NMBR: variants seen among roughly 807,000 people sequenced by gnomAD.
NMBR encodes neuromedin-B receptor.
In NMBR, 16 loss-of-function variants were observed where a neutral mutation model predicts 20.5. The ratio of observed to expected loss-of-function variants is 0.78; its 90% CI spans 0.53 to 1.19. NMBR has a LOEUF of 1.19. Ranked by LOEUF, NMBR falls within the 50% of genes most tolerant of loss-of-function variation. The pLI is 0.00. For synonymous variants in NMBR, 212 were observed against 196.6 expected (o/e 1.08, Z -0.65); for missense variants, 582 against 499.1 (o/e 1.17, Z -1.58).
At chr6:142,087,144 G>A (rs1239934548) in intron 2 of NMBR, among the ~76,000 whole-genome samples, 1 of 152,174 alleles carries the variant, frequency 6.6e-6, no homozygotes, top group Non-Finnish European at 1.5e-5. Context: ...TCTGTTGAAT[G>A]CTGTGTTTCC....
chr6:142,117,300 C>G (rs1777872480), intron 1 of NMBR, among the ~76,000 whole-genome samples: 1 of 151,902 alleles, frequency 6.6e-6, no homozygotes, highest in South Asian at 2.1e-4. Flanking sequence ...TTAACATAAT[C>G]ACCTCACATA....
intron 2 of NMBR, among the ~76,000 whole-genome samples, chr6:142,080,193 T>A (rs952096900): frequency 6.6e-6 from 1 of 152,062 alleles, no homozygotes; most frequent in Non-Finnish European, 1.5e-5. Context: ...ATTTTTTTTC[T>A]GAATTTTAAA....
At chr6:142,097,451 A>G (rs1480453655) in intron 1 of NMBR, among the ~76,000 whole-genome samples, 2 of 152,108 alleles carry the variant, frequency 1.3e-5, no homozygotes, top group Non-Finnish European at 2.9e-5. Flanking sequence ...AATGCATTTA[A>G]TACTCTAACA....
At chr6:142,131,858 A>T (rs1252114948) in intron 1 of NMBR, among the ~76,000 whole-genome samples, 2 of 152,230 alleles carry the variant, frequency 1.3e-5, no homozygotes, top group African/African-American at 4.8e-5. Context: ...AATTGTATAC[A>T]GTTGACTAAA....
In NMBR at chr6:142,078,572, C is replaced by T. The variant is rs145581958; in HGVS notation, c.754G>A (p.Glu252Lys). The change falls in exon 3 of 4, where the codon GAA becomes AAA. Residue 252 changes from glutamate to lysine, a missense_variant. Coordinates refer to ENST00000258042, the MANE Select transcript of NMBR (RefSeq NM_002511.4). The part of the protein sequence containing the change: ...SAHNLPGEYN[E>K]HTKKQMETRK... ...AAGCTTACCTGTTTTTTGGTATGTT[C>T]ATTGTATTCTCCAGGAAGATTGTGT... The T allele has an allele frequency of 1.3e-6, 2 of 1,594,450 alleles. No homozygotes were observed. Among genetic ancestry groups the T allele is most frequent in the Admixed American group, 1.7e-5 (1 of 58,656 alleles).
At chr6:142,095,419 T>C (rs1777429361) in intron 1 of NMBR, among the ~76,000 whole-genome samples, 1 of 152,174 alleles carries the variant, frequency 6.6e-6, no homozygotes, top group Non-Finnish European at 1.5e-5. Context: ...ATCATGTGGT[T>C]TTTGTCATTG....
At chr6:142,098,435 A>G (rs1281856022) in intron 1 of NMBR, among the ~76,000 whole-genome samples, 1 of 152,208 alleles carries the variant, frequency 6.6e-6, no homozygotes, top group Non-Finnish European at 1.5e-5. Context: ...AAAATCTGAA[A>G]GAATCAACAA....
At chr6:142,106,594 T>C (rs1777666519) in intron 1 of NMBR, among the ~76,000 whole-genome samples, 1 of 152,242 alleles carries the variant, frequency 6.6e-6, no homozygotes, top group Non-Finnish European at 1.5e-5. Flanking sequence ...TTGCTGGCTT[T>C]TAAATAGCTT....
In NMBR at chr6:142,096,067, C is replaced by T. The variant is rs1266098565; in HGVS notation, c.-663-6746G>A. Reference sequence around the variant, plus strand: ...TTTTCTTCTTTATTAGTCTTGCTAGCAGTCTATCAATTTTGTTGATCTTTT... The same window carrying T: ...TTTTCTTCTTTATTAGTCTTGCTAGTAGTCTATCAATTTTGTTGATCTTTT... On this transcript the variant is annotated intron_variant, in intron 1 of 3. Transcript: ENST00000258042. Among the ~76,000 whole-genome samples the T allele has an allele frequency of 9.9e-5, 15 of 152,000 alleles. 1 individual carries two copies. Among genetic ancestry groups the T allele is most frequent in the Admixed American group, 9.8e-4 (15 of 15,248 alleles).
intron 1 of NMBR, among the ~76,000 whole-genome samples, chr6:142,133,469 T>C (rs1405650906): frequency 6.6e-6 from 1 of 152,182 alleles, no homozygotes; most frequent in Non-Finnish European, 1.5e-5. Context: ...ATAAACATTA[T>C]TTGGTTGTTA....
chr6:142,094,247 T>A lies in NMBR; in HGVS notation c.-663-4926A>T, dbSNP rs528265157. Among the ~76,000 whole-genome samples, 212 of 152,180 alleles carry A rather than the reference T, an allele frequency of 1.4e-3. 1 individual carries two copies. The highest frequency in any genetic ancestry group is 4.6e-3 in the African/African-American group (193 of 41,518). ...GCCCATGCCTATGTCCTGAATGGTA[T>A]TGCCTAGGTTTTCTTCTAGGGTTTT... On this transcript the variant is annotated intron_variant, in intron 1 of 3. Transcript: ENST00000258042.
At chr6:142,084,949 A>C (rs1355175063) in intron 2 of NMBR, among the ~76,000 whole-genome samples, 1 of 152,242 alleles carries the variant, frequency 6.6e-6, no homozygotes, top group Non-Finnish European at 1.5e-5. Context: ...GAAACATGAC[A>C]GAATATAGAA....
intron 3 of NMBR, among the ~76,000 whole-genome samples, chr6:142,076,697 T>C (rs1281955214): frequency 6.6e-6 from 1 of 152,174 alleles, no homozygotes; most frequent in Non-Finnish European, 1.5e-5. Context: ...GTGTAATAAA[T>C]AGGCAAAATT....
At chr6:142,146,641 T>A (rs1328327561) in intron 1 of NMBR, among the ~76,000 whole-genome samples, 1 of 152,222 alleles carries the variant, frequency 6.6e-6, no homozygotes, top group African/African-American at 2.4e-5. Flanking sequence ...AGATTATTCA[T>A]TCACTAAAAT....
At chr6:142,138,043 G>A (rs1778294365) in intron 1 of NMBR, among the ~76,000 whole-genome samples, 1 of 151,534 alleles carries the variant, frequency 6.6e-6, no homozygotes, top group Non-Finnish European at 1.5e-5. Context: ...TTATCAAAAG[G>A]GAACACTGTG....
chr6:142,136,183 C>T (rs1361964357), intron 1 of NMBR, among the ~76,000 whole-genome samples: 1 of 152,162 alleles, frequency 6.6e-6, no homozygotes, highest in African/African-American at 2.4e-5. Flanking sequence ...TTAATGATTG[C>T]CATTCTAACT....
chr6:142,077,580 C>G (rs1412884158), intron 3 of NMBR, among the ~76,000 whole-genome samples: 1 of 152,164 alleles, frequency 6.6e-6, no homozygotes, highest in African/African-American at 2.4e-5. Context: ...GTCTTTAAAG[C>G]CGATGTGGAT....
chr6:142,099,642 G>A (rs747498131), intron 1 of NMBR, among the ~76,000 whole-genome samples: 13 of 151,980 alleles, frequency 8.6e-5, no homozygotes, highest in Non-Finnish European at 4.4e-5. Flanking sequence ...TGGGTATATC[G>A]ATGACTCTTA....
intron 1 of NMBR, among the ~76,000 whole-genome samples, chr6:142,100,341 G>T (rs1447634192): frequency 6.6e-6 from 1 of 152,140 alleles, no homozygotes; most frequent in African/African-American, 2.4e-5. Context: ...TAAATAAACG[G>T]TGGTACAACC....
Sources: allele counts gnomAD v4.1 joint callset (sites outside exome capture counted in the v4.1 genomes callset), GRCh38; gene constraint gnomAD v4.1.1; transcripts MANE v1.5; gene names NCBI Gene and HGNC (gene_info 2026-07-23, HGNC 2026-07-21).